Variants in CELF4 observed in about 807,000 individuals in gnomAD.
CELF4 encodes the protein CUG-BP- and ETR-3-like factor 4.
In CELF4, 18 loss-of-function variants were observed where a neutral mutation model predicts 59.9. The observed-to-expected ratio is 0.30, with a 90% CI of 0.21 to 0.45. The LOEUF is 0.45. CELF4 is among the 20% of genes least tolerant of loss of function. The pLI is 1.00. For synonymous variants in CELF4, 261 were observed against 267.1 expected (o/e 0.98, Z 0.22); for missense variants, 456 against 689.0 (o/e 0.66, Z 3.79).
At chr18:37,355,566 G>A (rs890592215) in intron 2 of CELF4, among the ~76,000 whole-genome samples, 1 of 152,180 alleles carries the variant, frequency 6.6e-6, no homozygotes, top group African/African-American at 2.4e-5. Flanking sequence ...CCAGCTACAC[G>A]GGAGGCTGAG....
intron 1 of CELF4, among the ~76,000 whole-genome samples, chr18:37,531,748 T>A (rs1236239503): frequency 6.6e-6 from 1 of 152,078 alleles, no homozygotes; most frequent in Non-Finnish European, 1.5e-5. Context: ...GGCCGTTCCA[T>A]CATGGTTTTC....
intron 1 of CELF4, among the ~76,000 whole-genome samples, chr18:37,520,931 C>A (rs974853783): frequency 1.3e-5 from 2 of 152,122 alleles, no homozygotes; most frequent in African/African-American, 4.8e-5. Context: ...CTTCTGCAAT[C>A]ATCAGGAAAG....
chr18:37,380,635 A>G (rs1007767177), intron 2 of CELF4, among the ~76,000 whole-genome samples: 3 of 145,646 alleles, frequency 2.1e-5, no homozygotes, highest in Admixed American at 7.1e-5. Context: ...TTCTTCATCC[A>G]TTTATCCATC....
intron 2 of CELF4, among the ~76,000 whole-genome samples, chr18:37,465,934 G>C (rs2099807177): frequency 6.6e-6 from 1 of 152,160 alleles, no homozygotes; most frequent in Admixed American, 6.5e-5. Flanking sequence ...CCAGAAGCTG[G>C]GGTTAGGAAT....
intron 2 of CELF4, among the ~76,000 whole-genome samples, chr18:37,454,549 G>A (rs2099772871): frequency 6.6e-6 from 1 of 152,074 alleles, no homozygotes; most frequent in Non-Finnish European, 1.5e-5. Context: ...TTTTCCCTGT[G>A]TTCACCCACA....
intron 2 of CELF4, among the ~76,000 whole-genome samples, chr18:37,468,412 G>A (rs1425286851): frequency 6.6e-6 from 1 of 152,162 alleles, no homozygotes; most frequent in Non-Finnish European, 1.5e-5. Flanking sequence ...CCATGGCAGG[G>A]CAGGGGTTGG....
chr18:37,320,837 G>T (rs2097090075), intron 3 of CELF4, among the ~76,000 whole-genome samples: 1 of 152,178 alleles, frequency 6.6e-6, no homozygotes, highest in African/African-American at 2.4e-5. Context: ...TCTACCCTAT[G>T]GGGCTGGGGA....
rs534762465 is a variant in CELF4, at chr18:37,490,506, C to T, written c.287-4899G>A. ...GAGACAAAGATCATTGCACATCTGC[C>T]GCCTGGCAAATATACTTCATGAGGG... On this transcript the variant is annotated intron_variant, in intron 1 of 12. Coordinates refer to ENST00000420428, the MANE Select transcript of CELF4 (RefSeq NM_020180.4). 1.1e-4 allele frequency among the ~76,000 whole-genome samples: 17 copies of T among 152,286 alleles called. No homozygotes were observed. The East Asian group carries it at 2.5e-3, about 22-fold the overall frequency.
intron 2 of CELF4, among the ~76,000 whole-genome samples, chr18:37,381,051 C>T (rs2099033930): frequency 6.6e-6 from 1 of 151,536 alleles, no homozygotes; most frequent in Non-Finnish European, 1.5e-5. Context: ...TACCATCCAT[C>T]CATCCATTCC....
intron 2 of CELF4, among the ~76,000 whole-genome samples, chr18:37,477,116 G>C (rs1191542362): frequency 1.3e-5 from 2 of 152,214 alleles, no homozygotes; most frequent in African/African-American, 4.8e-5. Context: ...CAGCAGATGG[G>C]GAGCTGCCTC....
At chr18:37,563,247 T>C (rs1195671294) in intron 1 of CELF4, among the ~76,000 whole-genome samples, 1 of 152,106 alleles carries the variant, frequency 6.6e-6, no homozygotes, top group East Asian at 1.9e-4. Context: ...AACCAAGGAA[T>C]ATTGTTAAAG....
intron 1 of CELF4, among the ~76,000 whole-genome samples, chr18:37,532,601 AC>A (rs1397704288): frequency 1.3e-5 from 2 of 152,070 alleles, no homozygotes; most frequent in African/African-American, 4.8e-5. Context: ...GAGGGATTTG[AC>A]TTTTTATGTT....
intron 1 of CELF4, among the ~76,000 whole-genome samples, chr18:37,511,259 C>T (rs1409969851): frequency 6.6e-6 from 1 of 152,148 alleles, no homozygotes; most frequent in Non-Finnish European, 1.5e-5. Context: ...CAGGCAGGCT[C>T]TTTGTTCGGT....
chr18:37,498,973 A>T (rs934519863), intron 1 of CELF4, among the ~76,000 whole-genome samples: 1 of 152,236 alleles, frequency 6.6e-6, no homozygotes, highest in Non-Finnish European at 1.5e-5. Context: ...TGTTGTCCGT[A>T]GTAATAGTTG....
intron 2 of CELF4, among the ~76,000 whole-genome samples, chr18:37,402,319 G>T (rs1332552127): frequency 6.6e-6 from 1 of 152,180 alleles, no homozygotes; most frequent in African/African-American, 2.4e-5. Context: ...AGGCATTGGG[G>T]CCCCAAGGAT....
chr18:37,435,398 C>T (rs1400794717), intron 2 of CELF4, among the ~76,000 whole-genome samples: 4 of 152,136 alleles, frequency 2.6e-5, no homozygotes, highest in Non-Finnish European at 5.9e-5. Flanking sequence ...CATGTTGCTG[C>T]CCTGCTGTCA....
intron 2 of CELF4, among the ~76,000 whole-genome samples, chr18:37,469,404 C>G (rs889798390): frequency 6.6e-5 from 10 of 152,134 alleles, no homozygotes; most frequent in African/African-American, 1.9e-4. Flanking sequence ...AATACATCCT[C>G]TATTTATCTT....
At chr18:37,267,590 AG>A (rs1033344323) in intron 8 of CELF4, among the ~76,000 whole-genome samples, 8 of 152,196 alleles carry the variant, frequency 5.3e-5, no homozygotes, top group Admixed American at 3.9e-4. Context: ...ACGATGTGGC[AG>A]GAAGAAACTA....
At chr18:37,416,094 C>T (rs1022458741) in intron 2 of CELF4, among the ~76,000 whole-genome samples, 7 of 152,092 alleles carry the variant, frequency 4.6e-5, no homozygotes, top group Non-Finnish European at 1.0e-4. Flanking sequence ...GCATCTCGTG[C>T]CACTTAGAGC....
Sources: gnomAD v4.1 joint callset for allele counts (sites outside exome capture counted in the v4.1 genomes callset) on GRCh38, gnomAD v4.1.1 for gene constraint, MANE v1.5 for transcripts, NCBI Gene and HGNC (gene_info 2026-07-23, HGNC 2026-07-21) for gene names.